Variants in MNDA observed in about 807,000 individuals in gnomAD.
MNDA encodes myeloid cell nuclear differentiation antigen.
A neutral mutation model predicts 37.8 loss-of-function variants in MNDA; 43 were observed. That is an observed-to-expected ratio of 1.14 (90% CI 0.89 to 1.47). The LOEUF is 1.47. MNDA is among the 40% of genes most tolerant of loss of function. MNDA has a pLI of 0.00. For missense variants in MNDA, 536 were observed against 476.0 expected (o/e 1.13, Z -1.17); for synonymous variants, 181 against 169.0 (o/e 1.07, Z -0.55).
chr1:158,835,438 T>C (rs553356036), intron 1 of MNDA, among the ~76,000 whole-genome samples: 4 of 152,272 alleles, frequency 2.6e-5, no homozygotes, highest in African/African-American at 7.2e-5. Flanking sequence ...AACTGATTTG[T>C]ATGTGTTGCC....
intron 1 of MNDA, among the ~76,000 whole-genome samples, chr1:158,841,297 A>T (rs542030286): frequency 1.3e-5 from 2 of 152,354 alleles, no homozygotes; most frequent in Admixed American, 6.5e-5. Context: ...CTTTCAAGTC[A>T]TGCTGAGTAG....
At chr1:158,843,220 G>C (rs1426166298) in intron 2 of MNDA, 59 bp from the exon 3 acceptor site, 25 of 1,537,386 alleles carry the variant, frequency 1.6e-5, no homozygotes, top group Non-Finnish European at 2.1e-5. Flanking sequence ...TGCCTCAGCT[G>C]TCTTAGATAA....
intron 1 of MNDA, among the ~76,000 whole-genome samples, chr1:158,841,041 A>T (rs1659020893): frequency 6.6e-6 from 1 of 152,170 alleles, no homozygotes; most frequent in Admixed American, 6.5e-5. Context: ...GGGGTTAAAG[A>T]GGCACACATA....
intron 2 of MNDA, among the ~76,000 whole-genome samples, 170 bp from the exon 3 acceptor site, chr1:158,843,109 G>T (rs1185582162): frequency 6.6e-6 from 1 of 152,200 alleles, no homozygotes; most frequent in Non-Finnish European, 1.5e-5. Context: ...TGCCTACCAT[G>T]CTGCTGTTGG....
At chr1:158,833,299 A>G (rs1658840858) in intron 1 of MNDA, among the ~76,000 whole-genome samples, 1 of 152,220 alleles carries the variant, frequency 6.6e-6, no homozygotes, top group South Asian at 2.1e-4. Flanking sequence ...GAAAGCTTTG[A>G]ATATAATAAT....
At chr1:158,843,862 A>G in intron 3 of MNDA, 93 bp from the exon 4 acceptor site, 1 of 1,146,430 alleles carries the variant, frequency 8.7e-7, no homozygotes, top group Non-Finnish European at 1.2e-6. Flanking sequence ...TCCAACATAA[A>G]TAGAACTTAC....
Position 158,845,745 on chromosome 1 carries a change from G to A in MNDA, c.729G>A (p.Lys243=). 6.2e-7 allele frequency: 1 copy of A among 1,614,124 alleles called. No individual in the cohort carries two copies. The highest frequency in any genetic ancestry group is 1.1e-5 in the South Asian group (1 of 91,078). The change falls in exon 5 of 7, where the codon AAG becomes AAA. Residue 243 remains lysine (K), a synonymous_variant. Transcript: ENST00000368141. Reference sequence around the variant, plus strand: ...TGTTTCATGCTACAGTGGCCAGTAAGACTCAATATTTCCATGTGAAAGTCT... The same window carrying A: ...TGTTTCATGCTACAGTGGCCAGTAAAACTCAATATTTCCATGTGAAAGTCT... ...STMFHATVAS[K]TQYFHVKVFD... is the part of the protein sequence containing the mutation.
Position 158,842,276 on chromosome 1 carries a change from G to A in MNDA, c.123G>A (p.Glu41=), listed in dbSNP as rs745431098. The part of the protein sequence containing the change: ...YDLGLTTKMQ[E]EYNRIKITDL... The stretch of plus-strand genomic sequence containing the variant: ...TAGGACTAACTACAAAAATGCAAGA[G>A]GAATACAACAGAATTAAGATTACAG... Residue 41 remains glutamate (E), a synonymous_variant, in exon 2 of 7, where the codon GAG becomes GAA. Coordinates refer to ENST00000368141, the MANE Select transcript of MNDA (RefSeq NM_002432.3). The A allele has an allele frequency of 3.7e-6, 6 of 1,613,952 alleles. No homozygotes were observed. The highest frequency in any genetic ancestry group is 1.6e-4 in the Middle Eastern group (1 of 6,082).
At chr1:158,845,550 AG>A (rs1571659963) in intron 4 of MNDA, 36 bp from the exon 5 acceptor site, 2 of 1,541,204 alleles carry the variant, frequency 1.3e-6, no homozygotes, top group Non-Finnish European at 1.7e-6. Flanking sequence ...TCCTGCTCAA[AG>A]TTTTAAGTTT....
chr1:158,847,782 A>C lies in MNDA; in HGVS notation c.1042A>C (p.Met348Leu). 6.2e-7 allele frequency: 1 copy of C among 1,614,070 alleles called. No individual in the cohort carries two copies. The part of the protein sequence containing the change: ...IYEIQDNTGS[M>L]DVVGSGKWHN... ...TGAAATACAGGATAATACAGGATCC[A>C]TGGATGTAGTGGGGAGTGGAAAATG... Residue 348 changes from methionine (M) to leucine (L), a missense_variant, in exon 6 of 7, where the codon ATG (methionine) becomes CTG (leucine). By Grantham distance (15) the Met-to-Leu change is conservative. Transcript: ENST00000368141.
In MNDA at chr1:158,847,884, A is replaced by G; in HGVS notation, c.1144A>G (p.Lys382Glu). The G allele has an allele frequency of 6.2e-7, 1 of 1,614,006 alleles. No homozygotes were observed. Among genetic ancestry groups the G allele is most frequent in the South Asian group, 1.1e-5 (1 of 91,068 alleles). Residue 382 changes from lysine (K) to glutamate (E), a missense_variant, in exon 6 of 7, where the codon AAA (lysine) becomes GAA (glutamate). Transcript: ENST00000368141. ...LQLRTVDRKL[K>E]LVCGSHSFIK... is the part of the protein sequence containing the mutation. ...ACTGAGAACAGTTGACCGCAAGCTG[A>G]AACTGGTGTGTGGAAGTCACAGCTT...
intron 1 of MNDA, 71 bp from the exon 2 acceptor site, chr1:158,842,063 C>A: frequency 7.1e-7 from 1 of 1,406,574 alleles, no homozygotes; most frequent in Middle Eastern, 2.7e-4. Flanking sequence ...CACTCACTCA[C>A]AAAAGCATAT....
chr1:158,841,301 T>C (rs1422842144), intron 1 of MNDA, among the ~76,000 whole-genome samples: 1 of 152,218 alleles, frequency 6.6e-6, no homozygotes, highest in Non-Finnish European at 1.5e-5. Context: ...CAAGTCATGC[T>C]GAGTAGAAAT....
chr1:158,832,403 G>A (rs1658821957), intron 1 of MNDA, among the ~76,000 whole-genome samples: 1 of 151,662 alleles, frequency 6.6e-6, no homozygotes, highest in African/African-American at 2.4e-5. Flanking sequence ...TTTTTACCTT[G>A]TTCTTTCAGT....
chr1:158,832,290 G>A (rs1558053126), intron 1 of MNDA, among the ~76,000 whole-genome samples: 2 of 151,900 alleles, frequency 1.3e-5, no homozygotes, highest in Non-Finnish European at 2.9e-5. Flanking sequence ...TACTTGAGAA[G>A]AGTTTATAAA....
At chr1:158,836,694 TTTA>T (rs1219489663) in intron 1 of MNDA, among the ~76,000 whole-genome samples, 1 of 151,768 alleles carries the variant, frequency 6.6e-6, no homozygotes, top group Admixed American at 6.6e-5. Context: ...ATTGATTTTC[TTTA>T]TTATTTTTCT....
intron 1 of MNDA, 113 bp from the exon 2 acceptor site, chr1:158,842,021 T>C (rs1659036954): frequency 2.5e-6 from 2 of 814,768 alleles, no homozygotes; most frequent in Non-Finnish European, 3.9e-6. Flanking sequence ...CTTTTTCTTA[T>C]ACGCATCCAA....
At chr1:158,833,416 A>G (rs957628350) in intron 1 of MNDA, among the ~76,000 whole-genome samples, 6 of 152,200 alleles carry the variant, frequency 3.9e-5, no homozygotes, top group African/African-American at 1.4e-4. Flanking sequence ...TTGTTGTGCA[A>G]CCAACCTCCA....
At chr1:158,844,671 A>C (rs540515260) in intron 4 of MNDA, among the ~76,000 whole-genome samples, 3 of 151,974 alleles carry the variant, frequency 2.0e-5, no homozygotes, top group Non-Finnish European at 2.9e-5. Context: ...TCCACTTGTA[A>C]AAGCACTGTT....
Sources: allele counts gnomAD v4.1 joint callset (sites outside exome capture counted in the v4.1 genomes callset), GRCh38; gene constraint gnomAD v4.1.1; transcripts MANE v1.5; gene names NCBI Gene and HGNC (gene_info 2026-07-23, HGNC 2026-07-21).